Variants in TNIK observed in about 807,000 individuals in gnomAD.
The protein encoded by TNIK is TRAF2 and NCK interacting kinase, also known as TRAF2 and NCK-interacting protein kinase.
Under a neutral mutation model 191.3 loss-of-function variants are expected in TNIK, and 49 were observed. That is an observed-to-expected ratio of 0.26 (90% CI 0.20 to 0.32). TNIK has a LOEUF of 0.32. Ranked by LOEUF, TNIK falls within the 10% of genes least tolerant of loss-of-function variation. The pLI, the probability that TNIK is intolerant of heterozygous loss-of-function variation, is 1.00. For missense variants in TNIK, 1,155 were observed against 1,702.3 expected (o/e 0.68, Z 5.66); for synonymous variants, 594 against 600.9 (o/e 0.99, Z 0.17).
Position 171,407,206 on chromosome 3 carries a change from C to T in TNIK, c.58-37521G>A, listed in dbSNP as rs1192342893. 2.6e-5 allele frequency among the ~76,000 whole-genome samples: 4 copies of T among 152,178 alleles called. No individual in the cohort carries two copies. In the East Asian group the frequency reaches 7.7e-4, roughly 29 times the overall value. ...AATGGCGGAAGGAAGTAGAAGAGAA[C>T]TGGGGAGGCCTTCTGACAGAGGTCA... On this transcript the variant is annotated intron_variant, in intron 1 of 32. Coordinates refer to ENST00000436636, the MANE Select transcript of TNIK (RefSeq NM_015028.4).
intron 2 of TNIK, among the ~76,000 whole-genome samples, chr3:171,288,320 TAA>T (rs76914464): frequency 0.02 from 2,774 of 138,494 alleles, 94 homozygotes; most frequent in African/African-American, 0.069. Context: ...AAGTATAATT[TAA>T]AAAAAAAAAA....
chr3:171,264,099 CACACACACACACATATAT>C (rs1159952008), intron 2 of TNIK, among the ~76,000 whole-genome samples: 3,064 of 84,074 alleles, frequency 0.036, 89 homozygotes, highest in African/African-American at 0.13. Flanking sequence ...CACACACACA[CACACACACACACATATAT>C]ATATATATAT....
chr3:171,428,609 G>A (rs1383470287), intron 1 of TNIK, among the ~76,000 whole-genome samples: 3 of 149,148 alleles, frequency 2.0e-5, no homozygotes, highest in South Asian at 2.1e-4. Flanking sequence ...CAAGGGCTCC[G>A]CCCCCACCCC....
chr3:171,392,165 T>C (rs767479745), intron 1 of TNIK, among the ~76,000 whole-genome samples: 3 of 152,198 alleles, frequency 2.0e-5, no homozygotes, highest in Non-Finnish European at 2.9e-5. Flanking sequence ...TTACATTTCA[T>C]AGGACACTGG....
chr3:171,326,134 C>T lies in TNIK; in HGVS notation c.123+43486G>A, dbSNP rs1221401254. Among the ~76,000 whole-genome samples the T allele has an allele frequency of 2.6e-5, 4 of 152,044 alleles. No homozygotes were observed. In the South Asian group the frequency reaches 6.2e-4, roughly 24 times the overall value. On this transcript the variant is annotated intron_variant, in intron 2 of 32. Transcript: ENST00000436636. ...TATTTCAAGCCCCTAAAAATTACCC[C>T]ACCCAGAACCTTGAATAGAAAAAGA... is the stretch of plus-strand genomic sequence containing the variant.
intron 2 of TNIK, among the ~76,000 whole-genome samples, chr3:171,320,607 A>G (rs1443235249): frequency 7.0e-6 from 1 of 143,190 alleles, no homozygotes; most frequent in African/African-American, 2.6e-5. Flanking sequence ...TCTCAAATAC[A>G]TGATTTATGG....
At chr3:171,092,244 G>A (rs945691131) in intron 23 of TNIK, among the ~76,000 whole-genome samples, 7 of 152,168 alleles carry the variant, frequency 4.6e-5, no homozygotes, top group African/African-American at 9.6e-5. Flanking sequence ...CACCGCGCCC[G>A]GCTGCAAATG....
At chr3:171,129,156 C>G (rs1004806702) in intron 15 of TNIK, among the ~76,000 whole-genome samples, 2 of 152,140 alleles carry the variant, frequency 1.3e-5, no homozygotes, top group African/African-American at 4.8e-5. Context: ...AAGAGTTTAT[C>G]TTGTATTGAT....
intron 23 of TNIK, 105 bp from the exon 24 acceptor site, chr3:171,087,611 A>C: frequency 8.0e-7 from 1 of 1,247,224 alleles, no homozygotes; most frequent in South Asian, 1.5e-5. Flanking sequence ...AAATCAACCC[A>C]CTAGGGCATG....
chr3:171,323,940 T>A (rs1755459923), intron 2 of TNIK, among the ~76,000 whole-genome samples: 1 of 152,124 alleles, frequency 6.6e-6, no homozygotes, highest in Admixed American at 6.5e-5. Context: ...TTCTTAGTGT[T>A]TCTAATCCAA....
chr3:171,425,372 TTAGA>T (rs1724413324), intron 1 of TNIK, among the ~76,000 whole-genome samples: 1 of 152,220 alleles, frequency 6.6e-6, no homozygotes, highest in South Asian at 2.1e-4. Context: ...GTATACATAA[TTAGA>T]TAGACTATCT....
At chr3:171,308,945 G>A in intron 2 of TNIK, among the ~76,000 whole-genome samples, 1 of 152,148 alleles carries the variant, frequency 6.6e-6, no homozygotes, top group East Asian at 1.9e-4. Flanking sequence ...ATACACTGCT[G>A]GTGGAAATGT....
At chr3:171,066,467 A>ATTTTTT in intron 31 of TNIK, 109 bp downstream of exon 31, 6 of 1,312,128 alleles carry the variant, frequency 4.6e-6, no homozygotes, top group South Asian at 2.9e-5. Context: ...TTATTCACAG[A>ATTTTTT]TTTTTTTTTT....
At position 171,369,688 on chromosome 3, in the gene TNIK, G is replaced by C. The variant is rs773101388; in HGVS notation, c.58-3C>G. 3 of 1,557,238 alleles carry C rather than the reference G, an allele frequency of 1.9e-6. No individual in the cohort carries two copies. In the South Asian group the frequency reaches 3.6e-5, roughly 18 times the overall value. Reference sequence around the variant, plus strand: ...AATTCAAAGATCCCTGCGGGGTCCTGAAAGAAAATAAACAAACAATAAAAA... The same window carrying C: ...AATTCAAAGATCCCTGCGGGGTCCTCAAAGAAAATAAACAAACAATAAAAA... On this transcript the variant is annotated splice_polypyrimidine_tract_variant and splice_region_variant and intron_variant, in intron 1 of 32. Transcript: ENST00000436636.
At position 171,059,914 on chromosome 3, in the gene TNIK, G is replaced by GA. The variant is rs1336506389; in HGVS notation, c.*3966dup. Among the ~76,000 whole-genome samples, 2 of 152,134 alleles carry GA rather than the reference G, an allele frequency of 1.3e-5. No individual in the cohort carries two copies. The highest frequency in any genetic ancestry group is 4.8e-5 in the African/African-American group (2 of 41,428). The stretch of plus-strand genomic sequence containing the variant: ...GAACATGGTACCAGTGGTGATTCTG[G>GA]AATATAAAGAGCATAGTAGCATCAT... On this transcript the variant is annotated 3_prime_UTR_variant, in exon 33 of 33. Transcript: ENST00000436636.
chr3:171,193,726 A>T (rs1560242488), intron 5 of TNIK, among the ~76,000 whole-genome samples: 1 of 152,220 alleles, frequency 6.6e-6, no homozygotes, highest in Non-Finnish European at 1.5e-5. Flanking sequence ...GTTGCCTTAA[A>T]TTAAGAAGGC....
chr3:171,379,231 A>G (rs16856229), intron 1 of TNIK, among the ~76,000 whole-genome samples: 4,873 of 152,324 alleles, frequency 0.032, 229 homozygotes, highest in African/African-American at 0.11. Context: ...CAGTTAGCTC[A>G]GTTCAAAATT....
intron 21 of TNIK, among the ~76,000 whole-genome samples, chr3:171,105,663 CAGTACACCAAAAAAA>C (rs1439758525): frequency 6.6e-6 from 1 of 152,046 alleles, no homozygotes; most frequent in Non-Finnish European, 1.5e-5. Context: ...CAGTGTGGTG[CAGTACACCAAAAAAA>C]AGTAGAGCAA....
intron 3 of TNIK, among the ~76,000 whole-genome samples, chr3:171,218,733 C>A (rs1741773848): frequency 6.9e-6 from 1 of 145,764 alleles, no homozygotes; most frequent in South Asian, 2.1e-4. Flanking sequence ...TAGATTTTTA[C>A]ATTGTATACA....
Sources: gnomAD v4.1 joint callset for allele counts (sites outside exome capture counted in the v4.1 genomes callset) on GRCh38, gnomAD v4.1.1 for gene constraint, MANE v1.5 for transcripts, NCBI Gene and HGNC (gene_info 2026-07-23, HGNC 2026-07-21) for gene names.